ATM: variants seen among roughly 807,000 people sequenced by gnomAD.
ATM encodes the protein serine-protein kinase ATM.
ATM carries 308 observed loss-of-function variants against 387.0 expected under a neutral mutation model. That is an observed-to-expected ratio of 0.80 (90% CI 0.73 to 0.87). ATM has a LOEUF of 0.87. Among genes scored for constraint, ATM ranks in the 40% least tolerant of loss-of-function variants. The probability of loss-of-function intolerance (pLI) is 0.00; values close to 1 mark genes in which losing one functional copy is unlikely to be tolerated. For synonymous variants in ATM, 1,156 were observed against 1,187.3 expected, an observed-to-expected ratio of 0.97 and a Z score of 0.54; for missense variants, 3,312 against 3,560.9, an observed-to-expected ratio of 0.93 and a Z score of 1.78.
chr11:108,288,552 GTAA>G (rs2082619092), intron 27 of ATM, among the ~76,000 whole-genome samples: 1 of 143,300 alleles, frequency 7.0e-6, no homozygotes, highest in Non-Finnish European at 1.5e-5. Flanking sequence ...ATATAAAATA[GTAA>G]TAATATCTGA....
chr11:108,356,273 T>C (rs536085464), intron 61 of ATM, among the ~76,000 whole-genome samples: 1 of 152,272 alleles, frequency 6.6e-6, no homozygotes, highest in South Asian at 2.1e-4. Context: ...CGGTGGCTCA[T>C]GCCTGTAATC....
chr11:108,323,294 G>T (rs553507151), intron 45 of ATM, among the ~76,000 whole-genome samples: 2 of 152,174 alleles, frequency 1.3e-5, no homozygotes, highest in Non-Finnish European at 2.9e-5. Flanking sequence ...CTTACTGCCA[G>T]AAATCAAGAA....
At chr11:108,273,422 G>C (rs2135579702) in intron 22 of ATM, among the ~76,000 whole-genome samples, 1 of 135,726 alleles carries the variant, frequency 7.4e-6, no homozygotes, top group African/African-American at 2.8e-5. Context: ...GTTCACTTCA[G>C]CCTCTACCTC....
chr11:108,311,532 C>A (rs1283203906), intron 39 of ATM, among the ~76,000 whole-genome samples: 1 of 152,058 alleles, frequency 6.6e-6, no homozygotes, highest in South Asian at 2.1e-4. Flanking sequence ...CTCAGCTCTA[C>A]TAAAAATAAA....
rs2135266459 is a variant in ATM at position 108,247,028 on chromosome 11, G to A, written c.966G>A (p.Glu322=). 1 of 1,613,348 alleles carries A rather than the reference G, an allele frequency of 6.2e-7. No individual in the cohort carries two copies. Among genetic ancestry groups the A allele is most frequent in the Non-Finnish European group, 8.5e-7 (1 of 1,179,452 alleles). ...ACTTATATGATCTGCTAGTGAATGA[G>A]ATAAGTCATATAGGAAGTAGAGGAA... is the stretch of plus-strand genomic sequence containing the variant. ...LYNLYDLLVN[E]ISHIGSRGKY... Residue 322 remains glutamate (E), a synonymous_variant, in exon 8 of 63, where the codon GAG becomes GAA. Transcript: ENST00000675843.
At position 108,272,547 on chromosome 11, in the gene ATM, G is replaced by T; in HGVS notation, c.3093G>T (p.Glu1031Asp). ...VIGAFWHLTK[E>D]RKYIFSVRMA... The stretch of plus-strand genomic sequence containing the variant: ...TTGATTTCAGGCATCTAACAAAGGA[G>T]AGGAAATATATATTCTCTGTAAGAA... The change falls in exon 21 of 63, where the codon GAG becomes GAT. Residue 1031 changes from glutamate to aspartate, a missense_variant. By Grantham distance (45) the Glu-to-Asp change is conservative. Coordinates refer to ENST00000675843, the MANE Select transcript of ATM (RefSeq NM_000051.4). The T allele has an allele frequency of 6.2e-7, 1 of 1,613,112 alleles. No individual in the cohort carries two copies. Among genetic ancestry groups the T allele is most frequent in the South Asian group, 1.1e-5 (1 of 91,048 alleles).
At chr11:108,313,356 T>C (rs1439351725) in intron 40 of ATM, among the ~76,000 whole-genome samples, 1 of 152,180 alleles carries the variant, frequency 6.6e-6, no homozygotes, top group Non-Finnish European at 1.5e-5. Context: ...CCCTCTCTCT[T>C]CCTTCCTCTC....
At position 108,335,980 on chromosome 11, in the gene ATM, G is replaced by T. The variant is rs1415660878; in HGVS notation, c.8268+19G>T. On this transcript the variant is annotated intron_variant, in intron 56 of 62. Coordinates refer to ENST00000675843, the MANE Select transcript of ATM (RefSeq NM_000051.4). ...TTATAAGGTAACTATTTGTACTTCT[G>T]TTAGTTCACCAAAAACATATAAAAG... is the stretch of plus-strand genomic sequence containing the variant. The T allele has an allele frequency of 6.4e-7, 1 of 1,556,314 alleles. No individual in the cohort carries two copies. The highest frequency in any genetic ancestry group is 8.9e-7 in the Non-Finnish European group (1 of 1,127,900).
rs937133424 is a variant in ATM, at chr11:108,268,439, C to G, written c.2668C>G (p.Leu890Val). 2 of 1,613,866 alleles carry G rather than the reference C, an allele frequency of 1.2e-6. No homozygotes were observed. Among genetic ancestry groups the G allele is most frequent in the Non-Finnish European group, 1.7e-6 (2 of 1,179,978 alleles). ...CATTAATCCTTTAGCTGAAGAATAT[C>G]TGTCAAAGCAAGATCTACTTTTCTT... Reference protein sequence around the residue: ...GAINPLAEEYLSKQDLLFLDM... With the variant: ...GAINPLAEEYVSKQDLLFLDM... Residue 890 changes from leucine (L) to valine (V), a missense_variant, in exon 18 of 63, where the codon CTG becomes GTG. Physicochemically the swap from Leu to Val is conservative, Grantham distance 32. Around this residue, in one of 4 missense-constraint regions of ATM, gnomAD observed 1,791 missense variants for 1,804.5 expected, o/e 0.99. Transcript: ENST00000675843.
intron 6 of ATM, 115 bp from the exon 7 acceptor site, chr11:108,244,673 G>T: frequency 1.2e-6 from 1 of 856,680 alleles, no homozygotes; most frequent in Admixed American, 2.0e-5. Context: ...TAAGACTACT[G>T]TTTGAAAATT....
intron 61 of ATM, among the ~76,000 whole-genome samples, chr11:108,363,023 T>C (rs1396058777): frequency 6.6e-6 from 1 of 152,144 alleles, no homozygotes; most frequent in East Asian, 1.9e-4. Flanking sequence ...CTTTGTGTAT[T>C]TTACACTCAT....
rs1565474312 is a variant in ATM at position 108,299,875 on chromosome 11, G to A, written c.5167G>A (p.Val1723Ile). Residue 1723 changes from valine (V) to isoleucine (I), a missense_variant, in exon 34 of 63, where the codon GTA becomes ATA. Coordinates refer to ENST00000675843, the MANE Select transcript of ATM (RefSeq NM_000051.4). ...GCTGACCTACCTGAATAACACACTGGTAGAAGATTGGTGAGTATTTATTGA... is the reference window on the plus strand; with the variant it reads ...GCTGACCTACCTGAATAACACACTGATAGAAGATTGGTGAGTATTTATTGA... ...IMLTYLNNTL[V>I]EDCVKVRSAA... is the part of the protein sequence containing the mutation. The A allele has an allele frequency of 1.2e-6, 2 of 1,613,530 alleles. No homozygotes were observed. The highest frequency in any genetic ancestry group is 2.2e-5 in the South Asian group (2 of 91,070).
intron 61 of ATM, among the ~76,000 whole-genome samples, chr11:108,361,553 C>T (rs964806716): frequency 6.6e-6 from 1 of 152,006 alleles, no homozygotes; most frequent in African/African-American, 2.4e-5. Context: ...AACTATACTA[C>T]AAGGCTACAG....
chr11:108,313,047 A>T (rs367653172), intron 40 of ATM, among the ~76,000 whole-genome samples: 5 of 152,292 alleles, frequency 3.3e-5, no homozygotes, highest in Admixed American at 2.0e-4. Flanking sequence ...CTTGGAGAAA[A>T]TAGAAGGCAT....
rs1187557757 is a variant in ATM, at chr11:108,269,856, C to T, written c.2839-1208C>T. The stretch of plus-strand genomic sequence containing the variant: ...GTGAGAAGACAAGTTTGGTTGTGCC[C>T]TGTTTGGGCCCCTGGTTTAGGTCCT... On this transcript the variant is annotated intron_variant, in intron 18 of 62. Transcript: ENST00000675843. Among the ~76,000 whole-genome samples, 3 of 152,302 alleles carry T rather than the reference C, an allele frequency of 2.0e-5. No individual in the cohort carries two copies. The East Asian group carries it at 5.8e-4, about 29-fold the overall frequency.
chr11:108,318,866 G>T (rs1424660867), intron 43 of ATM, among the ~76,000 whole-genome samples: 1 of 151,826 alleles, frequency 6.6e-6, no homozygotes, highest in African/African-American at 2.4e-5. Flanking sequence ...AGTATGTTTT[G>T]TTGCCTTTGT....
intron 39 of ATM, among the ~76,000 whole-genome samples, chr11:108,311,319 T>C (rs887121483): frequency 2.0e-5 from 3 of 151,944 alleles, no homozygotes; most frequent in Admixed American, 1.3e-4. Context: ...TGTACAGAAA[T>C]GTAGTTGATA....
chr11:108,356,656 G>C (rs2089962543), intron 61 of ATM, among the ~76,000 whole-genome samples: 1 of 151,942 alleles, frequency 6.6e-6, no homozygotes, highest in Non-Finnish European at 1.5e-5. Flanking sequence ...TTTATGCTAA[G>C]GTGGATTTGG....
chr11:108,280,358 G>C (rs1280909288), intron 23 of ATM, among the ~76,000 whole-genome samples: 1 of 152,132 alleles, frequency 6.6e-6, no homozygotes, highest in African/African-American at 2.4e-5. Flanking sequence ...TGTGATTATA[G>C]TATGAATCAA....
Sources: allele counts gnomAD v4.1 joint callset (sites outside exome capture counted in the v4.1 genomes callset), GRCh38; gene constraint gnomAD v4.1.1; regional missense constraint gnomAD v4.1.1; transcripts MANE v1.5; gene names NCBI Gene and HGNC (gene_info 2026-07-23, HGNC 2026-07-21).